The following CPNE8 variants were observed in gnomAD, a reference collection of about 807,000 sequenced individuals.
The protein encoded by CPNE8 is copine 8, also known as copine-8.
A neutral mutation model predicts 81.5 loss-of-function variants in CPNE8; 45 were observed. The ratio of observed to expected loss-of-function variants is 0.55; its 90% CI spans 0.44 to 0.71. The LOEUF is 0.71. Ranked by LOEUF, CPNE8 falls within the 30% of genes least tolerant of loss-of-function variation. The probability of loss-of-function intolerance (pLI) is 0.00; values close to 1 mark genes in which losing one functional copy is unlikely to be tolerated. For synonymous variants in CPNE8, 252 were observed against 226.3 expected, an observed-to-expected ratio of 1.11 and a Z score of -1.02; for missense variants, 594 against 672.1, an observed-to-expected ratio of 0.88 and a Z score of 1.28.
At chr12:38,822,240 A>T (rs1469774833) in intron 6 of CPNE8, among the ~76,000 whole-genome samples, 1 of 152,174 alleles carries the variant, frequency 6.6e-6, no homozygotes, top group Non-Finnish European at 1.5e-5. Context: ...ATCTTATAAA[A>T]CCCAAACTAA....
chr12:38,850,022 G>A (rs1943620539), intron 3 of CPNE8, among the ~76,000 whole-genome samples: 1 of 152,130 alleles, frequency 6.6e-6, no homozygotes, highest in Non-Finnish European at 1.5e-5. Flanking sequence ...CCCTGGAGAA[G>A]ATACAACAAT....
intron 1 of CPNE8, among the ~76,000 whole-genome samples, chr12:38,887,258 T>C (rs1396918866): frequency 6.6e-6 from 1 of 152,102 alleles, no homozygotes; most frequent in Non-Finnish European, 1.5e-5. Context: ...ACAGCTGAGA[T>C]CATTCCCTTG....
At chr12:38,699,002 C>A (rs1417314780) in intron 14 of CPNE8, among the ~76,000 whole-genome samples, 2 of 152,148 alleles carry the variant, frequency 1.3e-5, no homozygotes, top group African/African-American at 4.8e-5. Flanking sequence ...CCAAAACATC[C>A]TTTCAGATTT....
chr12:38,787,759 G>C (rs1427887653), intron 6 of CPNE8, among the ~76,000 whole-genome samples: 5 of 151,210 alleles, frequency 3.3e-5, no homozygotes, highest in African/African-American at 7.3e-5. Context: ...TGAAAGACAA[G>C]ACATTACAAC....
At chr12:38,877,718 G>C (rs1056558536) in intron 1 of CPNE8, among the ~76,000 whole-genome samples, 2 of 152,092 alleles carry the variant, frequency 1.3e-5, no homozygotes, top group African/African-American at 2.4e-5. Context: ...TGAGCTTAAA[G>C]GGGGATAACT....
intron 3 of CPNE8, among the ~76,000 whole-genome samples, chr12:38,857,851 G>A (rs750446543): frequency 5.9e-5 from 9 of 152,132 alleles, no homozygotes; most frequent in Non-Finnish European, 1.0e-4. Flanking sequence ...AGCTGACATC[G>A]TGCCATTGCA....
Position 38,779,992 on chromosome 12 carries a change from A to G in CPNE8, c.408-3691T>C, listed in dbSNP as rs190222820. Among the ~76,000 whole-genome samples the G allele has an allele frequency of 3.3e-5, 5 of 152,232 alleles. No homozygotes were observed. The East Asian group carries it at 7.7e-4, about 24-fold the overall frequency. ...AATCCAAGCTGTCATTGCCAGTGCCAATGTCCAGGCACTTTTCCTCTATTT... is the reference window on the plus strand; with the variant it reads ...AATCCAAGCTGTCATTGCCAGTGCCGATGTCCAGGCACTTTTCCTCTATTT... On this transcript the variant is annotated intron_variant, in intron 6 of 19. Transcript: ENST00000331366.
intron 19 of CPNE8, among the ~76,000 whole-genome samples, chr12:38,655,452 GA>G (rs1451997823): frequency 1.3e-5 from 2 of 152,124 alleles, no homozygotes; most frequent in African/African-American, 2.4e-5. Context: ...GGTCTTCAGA[GA>G]AAAGGCAAAG....
At chr12:38,896,009 C>G (rs1055643542) in intron 1 of CPNE8, among the ~76,000 whole-genome samples, 2 of 151,988 alleles carry the variant, frequency 1.3e-5, no homozygotes, top group African/African-American at 2.4e-5. Context: ...TTCAGAATTG[C>G]AAGGATTGAA....
At chr12:38,861,103 G>A (rs1943826076) in intron 3 of CPNE8, among the ~76,000 whole-genome samples, 1 of 151,978 alleles carries the variant, frequency 6.6e-6, no homozygotes, top group Non-Finnish European at 1.5e-5. Flanking sequence ...TAAACCTGGA[G>A]GACATTATAT....
intron 19 of CPNE8, among the ~76,000 whole-genome samples, chr12:38,666,729 G>A (rs1939063863): frequency 6.6e-6 from 1 of 152,130 alleles, no homozygotes; most frequent in South Asian, 2.1e-4. Context: ...TCAGGTCACG[G>A]AGAATCTTAA....
At chr12:38,749,525 T>C (rs1282595051) in intron 10 of CPNE8, among the ~76,000 whole-genome samples, 1 of 152,152 alleles carries the variant, frequency 6.6e-6, no homozygotes, top group African/African-American at 2.4e-5. Flanking sequence ...TAGAGTCTTG[T>C]TGAATGGCTT....
rs1382355601 is a variant in CPNE8 at position 38,806,747 on chromosome 12, G to A, written c.407+22632C>T. Among the ~76,000 whole-genome samples, 6 of 144,844 alleles carry A rather than the reference G, an allele frequency of 4.1e-5. 2 individuals carry two copies. The East Asian group carries it at 1.5e-3, about 37-fold the overall frequency. The stretch of plus-strand genomic sequence containing the variant: ...TATTCAACATAGTGTTGGAAGTTCT[G>A]GCCAGGGCAATTAGGCAGGAGAAGG... On this transcript the variant is annotated intron_variant, in intron 6 of 19. Transcript: ENST00000331366.
intron 13 of CPNE8, among the ~76,000 whole-genome samples, chr12:38,707,696 G>C (rs553794529): frequency 4.7e-4 from 71 of 152,310 alleles, no homozygotes; most frequent in Non-Finnish European, 7.9e-4. Context: ...TTAATTCTTT[G>C]TCTCATTCTG....
At chr12:38,810,912 T>C (rs147136876) in intron 6 of CPNE8, among the ~76,000 whole-genome samples, 142 of 152,268 alleles carry the variant, frequency 9.3e-4, no homozygotes, top group Non-Finnish European at 1.7e-3. Flanking sequence ...TCTCATTCTT[T>C]CAATCTCTTA....
intron 1 of CPNE8, among the ~76,000 whole-genome samples, chr12:38,903,971 CTAGA>C (rs1273279631): frequency 6.6e-6 from 1 of 152,144 alleles, no homozygotes; most frequent in Non-Finnish European, 1.5e-5. Flanking sequence ...AGTTTCAGGG[CTAGA>C]TAAAGGCTGT....
intron 11 of CPNE8, among the ~76,000 whole-genome samples, chr12:38,725,487 A>T (rs1001425361): frequency 2.0e-5 from 3 of 152,234 alleles, no homozygotes; most frequent in Non-Finnish European, 4.4e-5. Flanking sequence ...GGATATAGGG[A>T]ATATTAAGAT....
In CPNE8 at chr12:38,702,910, T is replaced by C. The variant is rs780216622; in HGVS notation, c.926A>G (p.Asn309Ser). 7.6e-6 allele frequency: 12 copies of C among 1,583,050 alleles called. No homozygotes were observed. Residue 309 changes from asparagine to serine, a missense_variant, in exon 14 of 20, where the codon AAT (asparagine) becomes AGT (serine). Physicochemically the swap from Asn to Ser is conservative, Grantham distance 46 (BLOSUM62 1). Transcript: ENST00000331366. ...TGTAAAATCAATAGCCACTGTGAAA[T>C]TGATTTGCGTCCTGGAATAGAAGTA... ...LDYIKGGTQI[N>S]FTVAIDFTAS... is the part of the protein sequence containing the mutation.
intron 16 of CPNE8, among the ~76,000 whole-genome samples, chr12:38,679,006 A>G (rs978206900): frequency 6.6e-6 from 1 of 151,884 alleles, no homozygotes; most frequent in African/African-American, 2.4e-5. Context: ...AAAGAAGTCT[A>G]ACAATTTCCC....
Sources: allele counts gnomAD v4.1 joint callset (sites outside exome capture counted in the v4.1 genomes callset), GRCh38; gene constraint gnomAD v4.1.1; transcripts MANE v1.5; gene names NCBI Gene and HGNC (gene_info 2026-07-23, HGNC 2026-07-21).